Variants in FRMD5 observed in about 807,000 individuals in gnomAD.
The protein encoded by FRMD5 is FERM domain containing 5.
Under a neutral mutation model 69.0 loss-of-function variants are expected in FRMD5, and 20 were observed. The observed-to-expected ratio is 0.29, with a 90% CI of 0.20 to 0.42. The LOEUF is 0.42. FRMD5 is among the 10% of genes least tolerant of loss of function. The probability of loss-of-function intolerance (pLI) is 1.00; values close to 1 mark genes in which losing one functional copy is unlikely to be tolerated. For synonymous variants in FRMD5, 271 were observed against 260.1 expected, an observed-to-expected ratio of 1.04 and a Z score of -0.40; for missense variants, 595 against 708.6, an observed-to-expected ratio of 0.84 and a Z score of 1.82.
rs201876553 is a variant in FRMD5 at position 43,874,342 on chromosome 15, A to G, written c.1256T>C (p.Ile419Thr). Reference protein sequence around the residue: ...RTDSNERVAVIADEAYSPADS... With the variant: ...RTDSNERVAVTADEAYSPADS... ...TGCAGGGCTGTAGGCCTCGTCTGCA[A>G]TCACAGCTACTCGCTCATTGCTATC... is the stretch of plus-strand genomic sequence containing the variant. The change falls in exon 14 of 14, where the codon ATT (isoleucine) becomes ACT (threonine). Residue 419 changes from isoleucine (I) to threonine (T), a missense_variant. Around this residue, in one of 5 missense-constraint regions of FRMD5, gnomAD observed 245 missense variants for 227.1 expected, o/e 1.08. Transcript: ENST00000417257. 13 of 1,614,224 alleles carry G rather than the reference A, an allele frequency of 8.1e-6. No individual in the cohort carries two copies. The highest frequency in any genetic ancestry group is 8.5e-6 in the Non-Finnish European group (10 of 1,180,036).
chr15:43,906,664 C>T lies in FRMD5; in HGVS notation c.428-713G>A, dbSNP rs552660182. Among the ~76,000 whole-genome samples, 21 of 151,618 alleles carry T rather than the reference C, an allele frequency of 1.4e-4. No individual in the cohort carries two copies. The East Asian group carries it at 2.3e-3, about 17-fold the overall frequency. On this transcript the variant is annotated intron_variant, in intron 5 of 13. Coordinates refer to ENST00000417257, the MANE Select transcript of FRMD5 (RefSeq NM_032892.5). ...TAGCCCAGGCTGGAGTGCAGTGGTGCGATCTTGGCTCACTGCAAGCTCCGA... is the reference window on the plus strand; with the variant it reads ...TAGCCCAGGCTGGAGTGCAGTGGTGTGATCTTGGCTCACTGCAAGCTCCGA...
chr15:44,046,288 G>C (rs201108041), intron 1 of FRMD5, among the ~76,000 whole-genome samples: 1 of 152,098 alleles, frequency 6.6e-6, no homozygotes, highest in East Asian at 1.9e-4. Flanking sequence ...ATAAAAAGGG[G>C]AATTAATAAA....
chr15:44,126,600 C>G (rs1038056442), intron 1 of FRMD5, among the ~76,000 whole-genome samples: 2 of 152,270 alleles, frequency 1.3e-5, no homozygotes, highest in Non-Finnish European at 2.9e-5. Flanking sequence ...GGAGCCAATT[C>G]CAATCTGAGT....
chr15:44,012,623 T>C (rs2140219118), intron 1 of FRMD5, among the ~76,000 whole-genome samples: 1 of 152,190 alleles, frequency 6.6e-6, no homozygotes, highest in Middle Eastern at 3.4e-3. Flanking sequence ...GGCACAAAAT[T>C]ACAGGATATG....
intron 5 of FRMD5, among the ~76,000 whole-genome samples, chr15:43,908,325 C>T (rs1229185082): frequency 2.9e-5 from 1 of 34,238 alleles, no homozygotes; most frequent in African/African-American, 5.3e-5. Flanking sequence ...CAGATCCTGT[C>T]TCAAAAAAAA....
rs112023804 is a variant in FRMD5, at chr15:43,879,456, A to T, written c.1135+4247T>A. ...AGATGGGATGGGTGCCGTGGGAAGG[A>T]TCTGCGCTAACTGGCACAGCAAAAC... On this transcript the variant is annotated intron_variant, in intron 13 of 13. Transcript: ENST00000417257. 928 of 398,958 alleles carry T rather than the reference A, an allele frequency of 2.3e-3. 11 individuals are homozygous for T. Among genetic ancestry groups the T allele is most frequent in the African/African-American group, 0.018 (857 of 48,724 alleles). 24.7% of individuals were successfully genotyped at this position (398,958 alleles called of 1,614,324 possible). A position where few individuals can be genotyped will look rare whatever the true frequency, so the allele number is the denominator to read the frequency against.
chr15:44,109,652 T>C (rs1224737871), intron 1 of FRMD5, among the ~76,000 whole-genome samples: 1 of 152,080 alleles, frequency 6.6e-6, no homozygotes, highest in Non-Finnish European at 1.5e-5. Context: ...TACATTGACA[T>C]ACCATTATCA....
intron 1 of FRMD5, among the ~76,000 whole-genome samples, chr15:43,954,539 C>T (rs1246347675): frequency 6.6e-6 from 1 of 152,222 alleles, no homozygotes; most frequent in Non-Finnish European, 1.5e-5. Flanking sequence ...TCTCACCCAA[C>T]ACCATCCCAA....
intron 1 of FRMD5, among the ~76,000 whole-genome samples, chr15:43,970,015 T>A (rs1437694229): frequency 6.6e-6 from 1 of 152,192 alleles, no homozygotes; most frequent in Non-Finnish European, 1.5e-5. Flanking sequence ...AGACACAAAC[T>A]GCATTTGACA....
At chr15:43,984,810 C>G (rs1038373415) in intron 1 of FRMD5, among the ~76,000 whole-genome samples, 1 of 152,010 alleles carries the variant, frequency 6.6e-6, no homozygotes, top group Non-Finnish European at 1.5e-5. Context: ...ATGGTGAAAT[C>G]CTGTCTCTAC....
intron 13 of FRMD5, chr15:43,879,539 A>G (rs2088465018): frequency 2.5e-6 from 1 of 399,126 alleles, no homozygotes; most frequent in East Asian, 3.6e-5. Flanking sequence ...CGGGGGTCAC[A>G]GCAGTCAGGA....
Position 43,874,231 on chromosome 15 carries a change from A to G in FRMD5, c.1367T>C (p.Ile456Thr), listed in dbSNP as rs2088255317. Residue 456 changes from isoleucine to threonine, a missense_variant, in exon 14 of 14, where the codon ATT becomes ACT. Coordinates refer to ENST00000417257, the MANE Select transcript of FRMD5 (RefSeq NM_032892.5). ...SRQINGATCS[I>T]EEEKESEAST... Reference sequence around the variant, plus strand: ...GGCTTCAGATTCCTTCTCCTCCTCAATGCTGCAGGTGGCTCCATTGATCTG... The same window carrying G: ...GGCTTCAGATTCCTTCTCCTCCTCAGTGCTGCAGGTGGCTCCATTGATCTG... The G allele has an allele frequency of 1.9e-6, 3 of 1,614,050 alleles. No homozygotes were observed. The highest frequency in any genetic ancestry group is 1.3e-5 in the African/African-American group (1 of 74,916).
intron 1 of FRMD5, among the ~76,000 whole-genome samples, chr15:44,043,968 T>C (rs1304971497): frequency 6.6e-6 from 1 of 152,040 alleles, no homozygotes; most frequent in African/African-American, 2.4e-5. Context: ...CAAAAGAAAC[T>C]ATCATCAGAG....
At chr15:43,919,830 C>T (rs2089461995) in intron 2 of FRMD5, 21 bp from the exon 3 acceptor site, 1 of 1,610,532 alleles carries the variant, frequency 6.2e-7, no homozygotes, top group East Asian at 2.2e-5. Context: ...GAACACAGAA[C>T]ATGAAAACCC....
At chr15:44,129,595 C>T (rs1191459807) in intron 1 of FRMD5, among the ~76,000 whole-genome samples, 3 of 152,028 alleles carry the variant, frequency 2.0e-5, no homozygotes, top group East Asian at 1.9e-4. Flanking sequence ...GATATTAGAA[C>T]TCAGTTTCTG....
At chr15:44,171,460 T>A (rs1415642268) in intron 1 of FRMD5, among the ~76,000 whole-genome samples, 1 of 152,194 alleles carries the variant, frequency 6.6e-6, no homozygotes, top group Non-Finnish European at 1.5e-5. Flanking sequence ...GAATCCAGTA[T>A]TTTTGTTTGG....
chr15:43,988,087 C>A (rs1009800939), intron 1 of FRMD5, among the ~76,000 whole-genome samples: 1 of 152,134 alleles, frequency 6.6e-6, no homozygotes, highest in African/African-American at 2.4e-5. Flanking sequence ...TGCTGCTGAT[C>A]TGACAGGAGG....
At chr15:44,185,291 T>C (rs1158748791) in intron 1 of FRMD5, among the ~76,000 whole-genome samples, 1 of 152,248 alleles carries the variant, frequency 6.6e-6, no homozygotes, top group African/African-American at 2.4e-5. Flanking sequence ...AGAGTTTCAC[T>C]GCTCAACAGC....
At chr15:43,934,656 G>C (rs2089728917) in intron 1 of FRMD5, among the ~76,000 whole-genome samples, 1 of 152,124 alleles carries the variant, frequency 6.6e-6, no homozygotes, top group Non-Finnish European at 1.5e-5. Context: ...GCTAGAGTCT[G>C]GTCATTTTAC....
Sources: gnomAD v4.1 joint callset for allele counts (sites outside exome capture counted in the v4.1 genomes callset) on GRCh38, gnomAD v4.1.1 for gene constraint, gnomAD v4.1.1 regional missense constraint, MANE v1.5 for transcripts, NCBI Gene and HGNC (gene_info 2026-07-23, HGNC 2026-07-21) for gene names.